Variants in IFIH1 observed in about 807,000 individuals in gnomAD.
The protein encoded by IFIH1 is interferon induced with helicase C domain 1.
IFIH1 carries 125 observed loss-of-function variants against 107.4 expected under a neutral mutation model. The observed-to-expected ratio is 1.16, with a 90% CI of 1.01 to 1.35. The LOEUF is 1.35. Ranked by LOEUF, IFIH1 falls within the 40% of genes most tolerant of loss-of-function variation. IFIH1 has a pLI of 0.00. For missense variants in IFIH1, 1,333 were observed against 1,213.7 expected (o/e 1.10, Z -1.46); for synonymous variants, 458 against 413.2 (o/e 1.11, Z -1.31).
intron 5 of IFIH1, among the ~76,000 whole-genome samples, chr2:162,287,093 TAA>T (rs1162504057): frequency 6.6e-6 from 1 of 151,870 alleles, no homozygotes; most frequent in East Asian, 1.9e-4. Flanking sequence ...GCAAAATAAA[TAA>T]AAGTGTTTTA....
At chr2:162,297,738 T>A (rs1346789865) in intron 3 of IFIH1, among the ~76,000 whole-genome samples, 1 of 152,104 alleles carries the variant, frequency 6.6e-6, no homozygotes, top group African/African-American at 2.4e-5. Context: ...AAGCAGTTAT[T>A]TATATCAAAA....
intron 11 of IFIH1, among the ~76,000 whole-genome samples, chr2:162,275,023 A>G (rs546622724): frequency 4.6e-5 from 7 of 152,122 alleles, no homozygotes; most frequent in African/African-American, 7.2e-5. Context: ...AAAAACTTAC[A>G]TGTTCTTGGA....
At chr2:162,306,047 G>A (rs1216654815) in intron 3 of IFIH1, among the ~76,000 whole-genome samples, 1 of 152,190 alleles carries the variant, frequency 6.6e-6, no homozygotes, top group African/African-American at 2.4e-5. Context: ...CAGGCTTTAA[G>A]CAACTATTTC....
At chr2:162,273,613 A>G (rs1691088890) in intron 12 of IFIH1, among the ~76,000 whole-genome samples, 182 bp downstream of exon 12, 1 of 152,196 alleles carries the variant, frequency 6.6e-6, no homozygotes, top group Non-Finnish European at 1.5e-5. Flanking sequence ...TGGTTATTAT[A>G]TGAATTGACA....
At chr2:162,267,965 G>C in intron 14 of IFIH1, 122 bp downstream of exon 14, 1 of 641,198 alleles carries the variant, frequency 1.6e-6, no homozygotes, top group Admixed American at 3.4e-5. Flanking sequence ...TAATTGAGAG[G>C]CTAAAGGAGA....
At chr2:162,283,416 A>G (rs1479057713) in intron 5 of IFIH1, among the ~76,000 whole-genome samples, 1 of 151,974 alleles carries the variant, frequency 6.6e-6, no homozygotes, top group Non-Finnish European at 1.5e-5. Flanking sequence ...TGACACCTCA[A>G]TGCTACACAT....
chr2:162,315,181 A>G (rs1208756199), intron 1 of IFIH1, among the ~76,000 whole-genome samples: 1 of 152,214 alleles, frequency 6.6e-6, no homozygotes, highest in East Asian at 1.9e-4. Flanking sequence ...CAAAAAAGCA[A>G]ATTTGGAAAT....
chr2:162,291,617 C>G (rs979377414), intron 4 of IFIH1, among the ~76,000 whole-genome samples: 1 of 151,720 alleles, frequency 6.6e-6, no homozygotes, highest in South Asian at 2.1e-4. Flanking sequence ...TTGGGTCACA[C>G]CTTATGGCCC....
intron 3 of IFIH1, among the ~76,000 whole-genome samples, chr2:162,293,937 G>C (rs2105215029): frequency 6.6e-6 from 1 of 151,900 alleles, no homozygotes; most frequent in Middle Eastern, 3.4e-3. Flanking sequence ...AAATTCCTAA[G>C]GGTTTATAAC....
Position 162,278,261 on chromosome 2 carries a change from A to C in IFIH1, c.1709T>G (p.Met570Arg), listed in dbSNP as rs1338229910. Residue 570 changes from methionine to arginine, a missense_variant, in exon 9 of 16, where the codon ATG (methionine) becomes AGG (arginine). Transcript: ENST00000649979. Reference protein sequence around the residue: ...RIQTYCQMSPMSDFGTQPYEQ... With the variant: ...RIQTYCQMSPRSDFGTQPYEQ... ...ATAGGGTTGAGTTCCAAAATCTGAC[A>C]TTGGACTCATTTGACAATAAGTTTG... 1 of 1,575,494 alleles carries C rather than the reference A, an allele frequency of 6.3e-7. No homozygotes were observed. The highest frequency in any genetic ancestry group is 2.2e-5 in the East Asian group (1 of 44,554).
chr2:162,289,392 CA>C (rs985489463), intron 4 of IFIH1, among the ~76,000 whole-genome samples: 2 of 150,886 alleles, frequency 1.3e-5, no homozygotes, highest in African/African-American at 4.9e-5. Context: ...GGAAAAAGAT[CA>C]AAAAATGCAT....
intron 1 of IFIH1, among the ~76,000 whole-genome samples, chr2:162,312,462 T>C (rs886605979): frequency 5.9e-5 from 9 of 152,318 alleles, no homozygotes; most frequent in Middle Eastern, 3.4e-3. Flanking sequence ...AGTGAGTAAG[T>C]GGCAGAAGTA....
chr2:162,274,601 A>C (rs1420228198), intron 11 of IFIH1, among the ~76,000 whole-genome samples: 1 of 152,192 alleles, frequency 6.6e-6, no homozygotes, highest in Non-Finnish European at 1.5e-5. Flanking sequence ...TAAAAATGAA[A>C]GAAGAGGTTA....
At chr2:162,275,713 G>C (rs143686717) in intron 11 of IFIH1, among the ~76,000 whole-genome samples, 2 of 152,038 alleles carry the variant, frequency 1.3e-5, no homozygotes, top group African/African-American at 2.4e-5. Flanking sequence ...AAAGACTCAG[G>C]GTCAATGTGA....
At chr2:162,305,709 C>T (rs1683270208) in intron 3 of IFIH1, among the ~76,000 whole-genome samples, 1 of 152,238 alleles carries the variant, frequency 6.6e-6, no homozygotes, top group Admixed American at 6.5e-5. Context: ...TTTTTAACCA[C>T]AGCCATTACA....
intron 5 of IFIH1, 63 bp downstream of exon 5, chr2:162,288,072 A>C: frequency 1.9e-6 from 2 of 1,038,316 alleles, no homozygotes. Context: ...AAATGCCATC[A>C]TATAAAAGTT....
chr2:162,268,815 C>T (rs7605094), intron 13 of IFIH1, among the ~76,000 whole-genome samples: 14,264 of 152,130 alleles, frequency 0.094, 2,274 homozygotes, highest in African/African-American at 0.33. Context: ...ATCTCAAATT[C>T]TTGATCTCAG....
At chr2:162,296,153 C>T (rs920200888) in intron 3 of IFIH1, among the ~76,000 whole-genome samples, 14 of 152,076 alleles carry the variant, frequency 9.2e-5, no homozygotes, top group African/African-American at 3.4e-4. Flanking sequence ...CTTAAACCTA[C>T]TTCATCTACA....
rs139969107 is a variant in IFIH1 at position 162,307,128 on chromosome 2, G to T, written c.623-273C>A. ...ATATATTTTAATATGTTGACATTTC[G>T]AAAGGCTTAGAATGTGCTTTTGTTA... is the stretch of plus-strand genomic sequence containing the variant. On this transcript the variant is annotated intron_variant, in intron 2 of 15. Transcript: ENST00000649979. The T allele has an allele frequency of 7.4e-5, 20 of 271,596 alleles. No homozygotes were observed. In the Admixed American group the frequency reaches 7.4e-4, roughly 10 times the overall value. The allele number at this position is 271,596 out of a possible 1,614,324, so 16.8% of individuals were successfully genotyped here. A position where few individuals can be genotyped will look rare whatever the true frequency, so the allele number is the denominator to read the frequency against.
Sources: allele counts gnomAD v4.1 joint callset (sites outside exome capture counted in the v4.1 genomes callset), GRCh38; gene constraint gnomAD v4.1.1; transcripts MANE v1.5; gene names NCBI Gene and HGNC (gene_info 2026-07-23, HGNC 2026-07-21).